The following ST7L variants were observed in gnomAD, a reference collection of about 807,000 sequenced individuals.
ST7L encodes the protein suppressor of tumorigenicity 7 protein-like.
ST7L carries 57 observed loss-of-function variants against 72.5 expected under a neutral mutation model. The ratio of observed to expected loss-of-function variants is 0.79; its 90% CI spans 0.64 to 0.98. ST7L has a LOEUF of 0.98. Among genes scored for constraint, ST7L ranks in the 50% least tolerant of loss-of-function variants. The pLI is 0.00. For synonymous variants in ST7L, 221 were observed against 240.9 expected (o/e 0.92, Z 0.77); for missense variants, 576 against 672.2 (o/e 0.86, Z 1.58).
chr1:112,523,389 G>A (rs922264767), downstream of ST7L: 2 of 152,210 alleles, frequency 1.3e-5, no homozygotes, highest in Non-Finnish European at 2.9e-5. Context: ...CACCACGGAG[G>A]TTATGTGGTC....
At chr1:112,550,811 G>T in intron 12 of ST7L, 118 bp from the exon 13 acceptor site, 1 of 711,792 alleles carries the variant, frequency 1.4e-6, no homozygotes, top group Non-Finnish European at 2.3e-6. Flanking sequence ...GAGACATTTA[G>T]ATACGAGAAA....
At chr1:112,602,604 A>T (rs1262414806) in intron 3 of ST7L, among the ~76,000 whole-genome samples, 1 of 152,050 alleles carries the variant, frequency 6.6e-6, no homozygotes, top group Non-Finnish European at 1.5e-5. Context: ...TAGTAAAGCA[A>T]TTGTTTGTGA....
intron 9 of ST7L, 42 bp from the exon 10 acceptor site, chr1:112,578,459 G>A: frequency 1.3e-6 from 2 of 1,554,334 alleles, no homozygotes; most frequent in Non-Finnish European, 1.8e-6. Flanking sequence ...TTACAAAAAA[G>A]GTATTGAGAC....
At chr1:112,537,863 A>G (rs1396361977) in intron 14 of ST7L, among the ~76,000 whole-genome samples, 2 of 152,238 alleles carry the variant, frequency 1.3e-5, no homozygotes, top group Non-Finnish European at 2.9e-5. Context: ...TATTCCACAT[A>G]GCCGTATACC....
chr1:112,562,937 A>G (rs1383751278), intron 11 of ST7L, among the ~76,000 whole-genome samples: 1 of 152,098 alleles, frequency 6.6e-6, no homozygotes, highest in Non-Finnish European at 1.5e-5. Context: ...GTCTATCTCT[A>G]TGTGTTTAGA....
chr1:112,553,696 A>G (rs1422532373), intron 12 of ST7L, among the ~76,000 whole-genome samples: 1 of 152,196 alleles, frequency 6.6e-6, no homozygotes, highest in Non-Finnish European at 1.5e-5. Flanking sequence ...TACCATTCTC[A>G]TTTCCTATAT....
chr1:112,605,901 G>A (rs1393943664), intron 3 of ST7L, among the ~76,000 whole-genome samples: 2 of 152,168 alleles, frequency 1.3e-5, no homozygotes, highest in African/African-American at 2.4e-5. Flanking sequence ...GGCCTGTATT[G>A]GGAGCAGCAG....
At chr1:112,533,589 C>T (rs897247035) in intron 14 of ST7L, among the ~76,000 whole-genome samples, 2 of 152,140 alleles carry the variant, frequency 1.3e-5, no homozygotes, top group African/African-American at 2.4e-5. Context: ...GCTGGGATTA[C>T]AGGCGTGAAC....
At chr1:112,551,924 A>G (rs1658268864) in intron 12 of ST7L, among the ~76,000 whole-genome samples, 1 of 152,262 alleles carries the variant, frequency 6.6e-6, no homozygotes, top group African/African-American at 2.4e-5. Flanking sequence ...AACACTTCTT[A>G]TATTAAACAT....
intron 12 of ST7L, among the ~76,000 whole-genome samples, chr1:112,554,574 T>C (rs1268152677): frequency 6.6e-6 from 1 of 152,188 alleles, no homozygotes; most frequent in Non-Finnish European, 1.5e-5. Flanking sequence ...TGAGCTTCCT[T>C]AAAAAATTAA....
upstream of ST7L, chr1:112,619,208 C>T: frequency 7.9e-7 from 1 of 1,268,674 alleles, no homozygotes; most frequent in East Asian, 2.5e-5. Context: ...TGAAGTTGGC[C>T]TCTGTGAAGG....
chr1:112,562,048 C>A (rs1001844030), intron 11 of ST7L, among the ~76,000 whole-genome samples: 2 of 151,228 alleles, frequency 1.3e-5, no homozygotes, highest in Non-Finnish European at 2.9e-5. Context: ...CTCACTGCAG[C>A]CTCGACCTCC....
At chr1:112,535,573 T>C (rs1655066899) in intron 14 of ST7L, among the ~76,000 whole-genome samples, 1 of 150,512 alleles carries the variant, frequency 6.6e-6, no homozygotes, top group South Asian at 2.1e-4. Flanking sequence ...CTATAACAAA[T>C]TTTTAAAAAT....
intron 7 of ST7L, among the ~76,000 whole-genome samples, chr1:112,583,494 T>C (rs116056417): frequency 0.02 from 3,062 of 152,156 alleles, 104 homozygotes; most frequent in African/African-American, 0.069. Flanking sequence ...AAGTATGAGG[T>C]TGGATTTTGG....
chr1:112,591,322 T>C (rs1459939204), intron 6 of ST7L, among the ~76,000 whole-genome samples: 1 of 152,166 alleles, frequency 6.6e-6, no homozygotes, highest in Non-Finnish European at 1.5e-5. Flanking sequence ...ATAATTTCTA[T>C]TCAAAAGCAT....
At chr1:112,582,192 G>T in intron 8 of ST7L, 86 bp from the exon 9 acceptor site, 1 of 1,089,668 alleles carries the variant, frequency 9.2e-7, no homozygotes, top group Non-Finnish European at 1.3e-6. Context: ...AGAAATTCTT[G>T]TTTCTTACCA....
intron 4 of ST7L, among the ~76,000 whole-genome samples, chr1:112,600,589 C>CT (rs145036320): frequency 7.6e-4 from 115 of 151,840 alleles, no homozygotes; most frequent in African/African-American, 2.7e-3. Flanking sequence ...GGGCAAGACT[C>CT]TATCTCTAAA....
At chr1:112,560,445 C>T (rs924061912) in intron 11 of ST7L, among the ~76,000 whole-genome samples, 3 of 151,992 alleles carry the variant, frequency 2.0e-5, no homozygotes, top group Admixed American at 6.6e-5. Flanking sequence ...TTTTCAATTC[C>T]TGATTAGACA....
intron 4 of ST7L, among the ~76,000 whole-genome samples, chr1:112,598,683 T>G (rs923460852): frequency 6.6e-6 from 1 of 151,486 alleles, no homozygotes; most frequent in African/African-American, 2.4e-5. Flanking sequence ...ACATATGAAA[T>G]GTATACCCAA....
Sources: gnomAD v4.1 joint callset for allele counts (sites outside exome capture counted in the v4.1 genomes callset) on GRCh38, gnomAD v4.1.1 for gene constraint, MANE v1.5 for transcripts, NCBI Gene and HGNC (gene_info 2026-07-23, HGNC 2026-07-21) for gene names.